The following OGA variants were observed in gnomAD, a reference collection of about 807,000 sequenced individuals.
OGA encodes the protein protein O-GlcNAcase.
In OGA, 21 loss-of-function variants were observed where a neutral mutation model predicts 102.0. The observed-to-expected ratio is 0.21, with a 90% confidence interval of 0.15 to 0.30. The LOEUF (loss-of-function observed/expected upper bound fraction) is 0.30. OGA is among the 10% of genes least tolerant of loss of function. OGA has a pLI of 1.00. For missense variants in OGA, 765 were observed against 1,107.8 expected, an observed-to-expected ratio of 0.69 and a Z score of 4.39; for synonymous variants, 408 against 378.2, an observed-to-expected ratio of 1.08 and a Z score of -0.91.
Position 101,786,441 on chromosome 10 carries a change from T to C in OGA, c.*10A>G. ...AGAGACTTTTGGACAGTTCACAGTG[T>C]CAACAAATGTCACAGGCTCCGACCA... On this transcript the variant is annotated 3_prime_UTR_variant, in exon 16 of 16. Transcript: ENST00000361464. 1 of 1,600,482 alleles carries C rather than the reference T, an allele frequency of 6.2e-7. No individual in the cohort carries two copies. The highest frequency in any genetic ancestry group is 2.2e-5 in the East Asian group (1 of 44,556).
chr10:101,817,195 A>T (rs1161568481), intron 1 of OGA, among the ~76,000 whole-genome samples: 1 of 152,230 alleles, frequency 6.6e-6, no homozygotes, highest in African/African-American at 2.4e-5. Flanking sequence ...TGCGGTCACT[A>T]AATTCCAATT....
intron 4 of OGA, among the ~76,000 whole-genome samples, chr10:101,808,980 A>G (rs2065513101): frequency 6.6e-6 from 1 of 152,072 alleles, no homozygotes; most frequent in Admixed American, 6.5e-5. Flanking sequence ...AAAAAAAAAA[A>G]GGAAAATGGA....
intron 14 of OGA, 51 bp from the exon 15 acceptor site, chr10:101,787,574 C>G: frequency 6.8e-7 from 1 of 1,465,218 alleles, no homozygotes; most frequent in Non-Finnish European, 9.4e-7. Context: ...CATTAGATAT[C>G]TAACCCAACT....
intron 1 of OGA, 108 bp from the exon 2 acceptor site, chr10:101,813,714 A>G: frequency 1.7e-6 from 1 of 577,348 alleles, no homozygotes; most frequent in Non-Finnish European, 3.0e-6. Flanking sequence ...TGTAAAAAGC[A>G]TAAAATACAC....
chr10:101,800,332 C>G lies in OGA; in HGVS notation c.1105G>C (p.Glu369Gln). The change falls in exon 8 of 16, where the codon GAA becomes CAA. Residue 369 changes from glutamate to glutamine, a missense_variant. Physicochemically the swap from Glu to Gln is conservative, Grantham distance 29. Around this residue, in one of 7 missense-constraint regions of OGA, gnomAD observed 281 missense variants for 345.8 expected, o/e 0.81. Transcript: ENST00000361464. Reference sequence around the variant, plus strand: ...TGTGGACTATAGAGTACATCAGTTTCAATATCTTCATCACTGCCTTCATTT... The same window carrying G: ...TGTGGACTATAGAGTACATCAGTTTGAATATCTTCATCACTGCCTTCATTT... ...LENEGSDEDI[E>Q]TDVLYSPQMA... 1.9e-6 allele frequency: 3 copies of G among 1,613,026 alleles called. No individual in the cohort carries two copies. The highest frequency in any genetic ancestry group is 1.3e-5 in the African/African-American group (1 of 75,030).
intron 14 of OGA, among the ~76,000 whole-genome samples, chr10:101,788,905 A>ATTTTTT (rs1161994964): frequency 6.6e-6 from 1 of 152,258 alleles, no homozygotes; most frequent in African/African-American, 2.4e-5. Context: ...GAGTATACAG[A>ATTTTTT]AACTCTGTTT....
At chr10:101,791,600 G>T in intron 12 of OGA, 161 bp from the exon 13 acceptor site, 1 of 612,896 alleles carries the variant, frequency 1.6e-6, no homozygotes, top group Non-Finnish European at 2.9e-6. Context: ...TTTATTCATT[G>T]AGTCAGATTT....
intron 1 of OGA, among the ~76,000 whole-genome samples, chr10:101,817,415 C>A (rs2065647454): frequency 6.6e-6 from 1 of 152,182 alleles, no homozygotes; most frequent in Non-Finnish European, 1.5e-5. Flanking sequence ...AGTACAAGCA[C>A]GTCAGTGTGG....
At chr10:101,804,103 G>A (rs1352994899) in intron 6 of OGA, 84 bp from the exon 7 acceptor site, 3 of 1,279,806 alleles carry the variant, frequency 2.3e-6, no homozygotes, top group East Asian at 2.3e-5. Context: ...CCAGCACTCT[G>A]GGAGGCAGAG....
chr10:101,786,638 A>C (rs780777078), intron 15 of OGA, 51 bp from the exon 16 acceptor site: 4 of 1,388,108 alleles, frequency 2.9e-6, no homozygotes, highest in Non-Finnish European at 2.9e-6. Context: ...TAATTAGTAT[A>C]ATTATAGATA....
chr10:101,795,254 A>G (rs1035025709), intron 10 of OGA, among the ~76,000 whole-genome samples: 9 of 152,208 alleles, frequency 5.9e-5, no homozygotes, highest in African/African-American at 2.2e-4. Context: ...ACTTCCAACT[A>G]TTACAATAAA....
In OGA at chr10:101,817,955, G is replaced by A; in HGVS notation, c.68C>T (p.Ala23Val). Residue 23 changes from alanine to valine, a missense_variant, in exon 1 of 16, where the codon GCC (alanine) becomes GTC (valine). Around this residue, in one of 7 missense-constraint regions of OGA, gnomAD observed 117 missense variants for 85.7 expected, o/e 1.36. Transcript: ENST00000361464. Reference protein sequence around the residue: ...RESELSSNPAASAGASLEPPA... With the variant: ...RESELSSNPAVSAGASLEPPA... ...CGGCTCCAGCGATGCCCCCGCAGAG[G>A]CGGCAGGGTTGGAGCTGAGCTCGCT... 6.2e-7 allele frequency: 1 copy of A among 1,602,424 alleles called. No individual in the cohort carries two copies. Among genetic ancestry groups the A allele is most frequent in the Admixed American group, 1.7e-5 (1 of 59,410 alleles).
At chr10:101,787,157 C>G (rs113185413) in intron 15 of OGA, among the ~76,000 whole-genome samples, 28 of 151,592 alleles carry the variant, frequency 1.8e-4, no homozygotes, top group African/African-American at 6.3e-4. Context: ...GCTAGGATTA[C>G]AAGCATGAGC....
In OGA at chr10:101,798,129, G is replaced by A. The variant is rs1391774591; in HGVS notation, c.1835C>T (p.Ala612Val). ...EKIEEWRSRA[A>V]KFEEMCGLVM... ...TAGTCCACACATCTCTTCAAACTTG[G>A]CTGCTCGTGACCGCCATTCTTCAAT... The change falls in exon 10 of 16, where the codon GCC becomes GTC. Residue 612 changes from alanine to valine, a missense_variant. Around this residue, in one of 7 missense-constraint regions of OGA, gnomAD observed 281 missense variants for 345.8 expected, o/e 0.81. Coordinates refer to ENST00000361464, the MANE Select transcript of OGA (RefSeq NM_012215.5). The A allele has an allele frequency of 1.9e-6, 3 of 1,614,006 alleles. No individual in the cohort carries two copies. Among genetic ancestry groups the A allele is most frequent in the Non-Finnish European group, 2.5e-6 (3 of 1,180,014 alleles).
At chr10:101,813,342 G>A (rs557330247) in intron 2 of OGA, among the ~76,000 whole-genome samples, 1 of 152,060 alleles carries the variant, frequency 6.6e-6, no homozygotes, top group Non-Finnish European at 1.5e-5. Flanking sequence ...AACAGCTCTG[G>A]GTAAGGTGAA....
intron 3 of OGA, chr10:101,812,697 T>C: frequency 3.1e-6 from 1 of 325,378 alleles, no homozygotes; most frequent in Non-Finnish European, 5.9e-6. Flanking sequence ...GGTACGTGCC[T>C]CACTTGCCTT....
chr10:101,816,836 T>C (rs2065633358), intron 1 of OGA, among the ~76,000 whole-genome samples: 1 of 152,190 alleles, frequency 6.6e-6, no homozygotes, highest in Non-Finnish European at 1.5e-5. Flanking sequence ...AAGCTGATGT[T>C]CTCAACGTCG....
chr10:101,803,004 A>G (rs890646108), intron 7 of OGA, among the ~76,000 whole-genome samples: 3 of 143,818 alleles, frequency 2.1e-5, no homozygotes, highest in African/African-American at 7.8e-5. Context: ...AAAAAAAAAA[A>G]GCCGGGTGTG....
intron 10 of OGA, 102 bp downstream of exon 10, chr10:101,797,878 T>A (rs1366174165): frequency 1.3e-5 from 16 of 1,205,230 alleles, no homozygotes; most frequent in Non-Finnish European, 1.9e-5. Context: ...TTGAAGAGAC[T>A]TGGAAATGTG....
Sources: gnomAD v4.1 joint callset for allele counts (sites outside exome capture counted in the v4.1 genomes callset) on GRCh38, gnomAD v4.1.1 for gene constraint, gnomAD v4.1.1 regional missense constraint, MANE v1.5 for transcripts, NCBI Gene and HGNC (gene_info 2026-07-23, HGNC 2026-07-21) for gene names.